The following C12orf54 variants were observed in gnomAD, a reference collection of about 807,000 sequenced individuals.
C12orf54 encodes uncharacterized protein C12orf54.
A neutral mutation model predicts 26.4 loss-of-function variants in C12orf54; 24 were observed. The observed-to-expected ratio is 0.91, with a 90% CI of 0.66 to 1.28. The LOEUF (loss-of-function observed/expected upper bound fraction) is 1.28. Ranked by LOEUF, C12orf54 falls within the 50% of genes most tolerant of loss-of-function variation. The probability of loss-of-function intolerance (pLI) is 0.00; values close to 1 mark genes in which losing one functional copy is unlikely to be tolerated. For synonymous variants in C12orf54, 54 were observed against 47.0 expected (o/e 1.15, Z -0.61); for missense variants, 154 against 150.9 (o/e 1.02, Z -0.11).
the C12orf54 span, among the ~76,000 whole-genome samples, chr12:48,434,948 A>T: frequency 6.6e-6 from 1 of 152,196 alleles, no homozygotes; most frequent in African/African-American, 2.4e-5. Context: ...AAGCTTCAGA[A>T]GATCAAACTA....
chr12:48,471,189 C>T, the C12orf54 span, among the ~76,000 whole-genome samples: 1 of 151,964 alleles, frequency 6.6e-6, no homozygotes, highest in Admixed American at 6.6e-5. Flanking sequence ...TAAGTGAGAA[C>T]ATGCAATGTT....
At chr12:48,444,495 T>C in the C12orf54 span, among the ~76,000 whole-genome samples, 1 of 152,184 alleles carries the variant, frequency 6.6e-6, no homozygotes, top group African/African-American at 2.4e-5. Flanking sequence ...AGAGTGAAAA[T>C]CTTACAAAGG....
At chr12:48,491,998 G>A (rs1592203947) in intron 6 of C12orf54, among the ~76,000 whole-genome samples, 1 of 152,082 alleles carries the variant, frequency 6.6e-6, no homozygotes, top group African/African-American at 2.4e-5. Flanking sequence ...ATATATGACT[G>A]AGCCCAAAGA....
the C12orf54 span, among the ~76,000 whole-genome samples, chr12:48,426,432 A>G: frequency 6.6e-6 from 1 of 151,862 alleles, no homozygotes; most frequent in Non-Finnish European, 1.5e-5. Flanking sequence ...ATTCTGTTCC[A>G]TTGGTCTTGT....
chr12:48,437,483 A>G, the C12orf54 span, among the ~76,000 whole-genome samples: 1 of 152,246 alleles, frequency 6.6e-6, no homozygotes, highest in Non-Finnish European at 1.5e-5. Context: ...CTTGATGAAC[A>G]TTGATGCAAA....
intron 2 of C12orf54, chr12:48,483,608 T>C (rs1340962954): frequency 1.4e-5 from 6 of 442,468 alleles, no homozygotes; most frequent in Non-Finnish European, 2.0e-5. Flanking sequence ...TGGCGGGGTA[T>C]ACAAACTAGG....
the C12orf54 span, among the ~76,000 whole-genome samples, chr12:48,429,587 T>C: frequency 6.8e-6 from 1 of 146,662 alleles, no homozygotes; most frequent in African/African-American, 2.6e-5. Flanking sequence ...AAAAAAAAAA[T>C]ACTTAGAATA....
chr12:48,464,619 C>G, the C12orf54 span, among the ~76,000 whole-genome samples: 310 of 152,150 alleles, frequency 2.0e-3, 3 homozygotes, highest in African/African-American at 7.0e-3. Flanking sequence ...CAGGGCAATC[C>G]TAAGCAAAAA....
the C12orf54 span, among the ~76,000 whole-genome samples, chr12:48,464,600 C>T: frequency 1.3e-5 from 2 of 152,006 alleles, no homozygotes; most frequent in Non-Finnish European, 2.9e-5. Context: ...AAAAAAGTGC[C>T]CATATAGCCA....
chr12:48,435,162 C>A, the C12orf54 span, among the ~76,000 whole-genome samples: 1 of 151,656 alleles, frequency 6.6e-6, no homozygotes, highest in African/African-American at 2.4e-5. Flanking sequence ...AGGGTATCAG[C>A]GATAGAAGAT....
At position 48,494,989 on chromosome 12, in the gene C12orf54, C is replaced by A; in HGVS notation, c.*40+10C>A. On this transcript the variant is annotated intron_variant, in intron 8 of 8. Coordinates refer to ENST00000548364, the MANE Select transcript of C12orf54 (RefSeq NM_152319.4). ...TCTCTGCTTCCGCCAGGTGCTTTACCCAAGCAGCCTTTCCCCTGAGCTCCA... is the reference window on the plus strand; with the variant it reads ...TCTCTGCTTCCGCCAGGTGCTTTACACAAGCAGCCTTTCCCCTGAGCTCCA... The A allele has an allele frequency of 6.3e-7, 1 of 1,581,016 alleles. No individual in the cohort carries two copies.
chr12:48,453,168 C>A, the C12orf54 span, among the ~76,000 whole-genome samples: 2 of 152,084 alleles, frequency 1.3e-5, no homozygotes, highest in Non-Finnish European at 2.9e-5. Flanking sequence ...TAAAAAGGAA[C>A]GAGATCATGT....
At chr12:48,447,709 ATCTCTGAAG>A in the C12orf54 span, among the ~76,000 whole-genome samples, 22 of 152,168 alleles carry the variant, frequency 1.4e-4, no homozygotes, top group African/African-American at 4.8e-4. Flanking sequence ...CCATGCCCTA[ATCTCTGAAG>A]TCTATGACTG....
the C12orf54 span, among the ~76,000 whole-genome samples, chr12:48,440,278 T>C: frequency 2.0e-5 from 3 of 152,104 alleles, no homozygotes; most frequent in African/African-American, 7.2e-5. Context: ...CAGAAAAATG[T>C]CCTTGTTCTC....
chr12:48,461,511 T>G, the C12orf54 span, among the ~76,000 whole-genome samples: 1 of 151,906 alleles, frequency 6.6e-6, no homozygotes, highest in Non-Finnish European at 1.5e-5. Flanking sequence ...CAATAAAATT[T>G]TTAAAATTCA....
At chr12:48,429,701 G>A in the C12orf54 span, among the ~76,000 whole-genome samples, 1 of 152,124 alleles carries the variant, frequency 6.6e-6, no homozygotes, top group African/African-American at 2.4e-5. Flanking sequence ...CCATGCTCAT[G>A]GATGGGTAGA....
At chr12:48,446,194 G>T in the C12orf54 span, among the ~76,000 whole-genome samples, 1 of 152,192 alleles carries the variant, frequency 6.6e-6, no homozygotes, top group Non-Finnish European at 1.5e-5. Flanking sequence ...GTCTGATCTT[G>T]TGAGCTGACA....
the C12orf54 span, among the ~76,000 whole-genome samples, chr12:48,414,965 T>C: frequency 1.3e-5 from 2 of 152,184 alleles, no homozygotes; most frequent in Non-Finnish European, 2.9e-5. Context: ...CATAGGAGTC[T>C]AAGGAGCATA....
chr12:48,474,618 T>C, the C12orf54 span, among the ~76,000 whole-genome samples: 1 of 152,236 alleles, frequency 6.6e-6, no homozygotes, highest in Non-Finnish European at 1.5e-5. Context: ...CGGAGGGTCC[T>C]ACGCCCACAG....
Sources: gnomAD v4.1 joint callset for allele counts (sites outside exome capture counted in the v4.1 genomes callset) on GRCh38, gnomAD v4.1.1 for gene constraint, MANE v1.5 for transcripts, NCBI Gene and HGNC (gene_info 2026-07-23, HGNC 2026-07-21) for gene names.